NLGN4X: variants seen among roughly 807,000 people sequenced by gnomAD.
NLGN4X encodes the protein neuroligin-4, X-linked.
A neutral mutation model predicts 40.3 loss-of-function variants in NLGN4X; 3 were observed. The observed-to-expected ratio is 0.07, with a 90% CI of 0.03 to 0.19. NLGN4X has a LOEUF of 0.19. NLGN4X is among the 10% of genes least tolerant of loss of function. The pLI, the probability that NLGN4X is intolerant of heterozygous loss-of-function variation, is 1.00. For missense variants in NLGN4X, 382 were observed against 708.3 expected (o/e 0.54, Z 5.23); for synonymous variants, 270 against 306.8 (o/e 0.88, Z 1.25).
chrX:6,220,198 C>A (rs147026068), intron 1 of NLGN4X, among the ~76,000 whole-genome samples: 1,446 of 111,048 alleles, frequency 0.013, 20 homozygotes, highest in African/African-American at 0.044. Context: ...CAAACTCTAC[C>A]ACCCCTCACA....
rs953394366 is a variant in NLGN4X at position 6,054,609 on chromosome X, T to C, written c.473-25177A>G. Among the ~76,000 whole-genome samples, 10 of 111,071 alleles carry C rather than the reference T, an allele frequency of 9.0e-5. No homozygotes were observed. The Admixed American group carries it at 9.6e-4, about 11-fold the overall frequency. ...CAATCTGAAAGACAGAGCAAGACCC[T>C]GTCTCTAAAAAAATAATAATAAATA... On this transcript the variant is annotated intron_variant, in intron 2 of 5. Coordinates refer to ENST00000381095, the MANE Select transcript of NLGN4X (RefSeq NM_181332.3).
At chrX:6,146,772 A>G (rs2040055742) in intron 2 of NLGN4X, among the ~76,000 whole-genome samples, 1 of 110,444 alleles carries the variant, frequency 9.1e-6, no homozygotes, top group Non-Finnish European at 1.9e-5. Context: ...CAATGAAAAT[A>G]CAATGATAAT....
At chrX:5,978,332 CTTTCTTTCTTTCCCTT>C (rs2035271367) in intron 3 of NLGN4X, among the ~76,000 whole-genome samples, 1 of 37,104 alleles carries the variant, frequency 2.7e-5, no homozygotes, top group Non-Finnish European at 4.5e-5. Flanking sequence ...TTCTTTCTTT[CTTTCTTTCTTTCCCTT>C]CCTTCTCTTT....
intron 1 of NLGN4X, among the ~76,000 whole-genome samples, chrX:6,225,681 C>CCTTTTTTT (rs1926161594): frequency 3.0e-5 from 1 of 33,810 alleles, no homozygotes; most frequent in Admixed American, 4.3e-4. Context: ...TTTTTTCTTT[C>CCTTTTTTT]TTTTTTTCTT....
chrX:6,180,282 G>A (rs1921285088), intron 1 of NLGN4X, among the ~76,000 whole-genome samples: 1 of 111,616 alleles, frequency 9.0e-6, no homozygotes, highest in Non-Finnish European at 1.9e-5. Context: ...CCTGGTGGGA[G>A]GAGACTGGAT....
At chrX:6,074,082 A>C (rs1323148367) in intron 2 of NLGN4X, among the ~76,000 whole-genome samples, 1 of 110,970 alleles carries the variant, frequency 9.0e-6, no homozygotes, top group African/African-American at 3.3e-5. Flanking sequence ...AGACCCCCCC[A>C]AAGTTACCAT....
At chrX:5,917,119 G>A (rs1429514631) in intron 3 of NLGN4X, among the ~76,000 whole-genome samples, 2 of 112,435 alleles carry the variant, frequency 1.8e-5, no homozygotes, top group African/African-American at 3.2e-5. Flanking sequence ...GATCTAGGGC[G>A]CCCTCTGCAG....
intron 5 of NLGN4X, 38 bp downstream of exon 5, chrX:5,903,039 G>T: frequency 8.3e-7 from 1 of 1,205,309 alleles, no homozygotes; most frequent in Non-Finnish European, 1.1e-6. Context: ...CAAACAAGTG[G>T]CAAGGATAGT....
intron 5 of NLGN4X, among the ~76,000 whole-genome samples, chrX:5,900,711 C>T (rs1351546167): frequency 9.3e-6 from 1 of 107,672 alleles, no homozygotes; most frequent in Non-Finnish European, 1.9e-5. Context: ...GAAGCTGAGA[C>T]TCTCGGCATA....
At chrX:6,007,875 A>G (rs1301542658) in intron 3 of NLGN4X, among the ~76,000 whole-genome samples, 1 of 112,129 alleles carries the variant, frequency 8.9e-6, no homozygotes, top group East Asian at 2.8e-4. Context: ...GTCAAATTAA[A>G]TCCTAAGCTA....
At chrX:6,018,001 C>A (rs1874623305) in intron 3 of NLGN4X, among the ~76,000 whole-genome samples, 1 of 111,276 alleles carries the variant, frequency 9.0e-6, no homozygotes, top group Non-Finnish European at 1.9e-5. Flanking sequence ...GGGATATAAT[C>A]CCACTGTGAA....
intron 2 of NLGN4X, among the ~76,000 whole-genome samples, chrX:6,142,437 G>A (rs1450448107): frequency 4.5e-5 from 5 of 112,323 alleles, no homozygotes; most frequent in Non-Finnish European, 9.4e-5. Flanking sequence ...CCGTGTCAGG[G>A]AGATCTTTAT....
chrX:6,155,774 C>A lies in NLGN4X; in HGVS notation c.-305-4003G>T, dbSNP rs1171988237. Among the ~76,000 whole-genome samples, 5 of 112,565 alleles carry A rather than the reference C, an allele frequency of 4.4e-5. No homozygotes were observed. The Admixed American group carries it at 4.7e-4, about 11-fold the overall frequency. On this transcript the variant is annotated intron_variant, in intron 1 of 5. Coordinates refer to ENST00000381095, the MANE Select transcript of NLGN4X (RefSeq NM_181332.3). ...GTCACCTATGCAGTTTCTATTAAAT[C>A]TAAAAATGAAATCCCATTTAAAAAT...
intron 1 of NLGN4X, chrX:6,187,433 A>G (rs1290039568): frequency 2.7e-5 from 3 of 110,719 alleles, no homozygotes; most frequent in African/African-American, 9.8e-5. Flanking sequence ...ACGCACAGGC[A>G]CACGCCAGAA....
intron 2 of NLGN4X, among the ~76,000 whole-genome samples, chrX:6,108,228 T>C (rs192583307): frequency 1.2e-4 from 13 of 112,372 alleles, no homozygotes; most frequent in African/African-American, 2.9e-4. Context: ...CCAACACTAA[T>C]GTTGATGTCA....
chrX:6,012,904 T>C (rs900021404), intron 3 of NLGN4X, among the ~76,000 whole-genome samples: 2 of 111,839 alleles, frequency 1.8e-5, no homozygotes, highest in African/African-American at 3.2e-5. Context: ...TTCTCTCTTT[T>C]AAAGCCATCA....
At chrX:5,974,266 A>G (rs2035110709) in intron 3 of NLGN4X, among the ~76,000 whole-genome samples, 1 of 112,311 alleles carries the variant, frequency 8.9e-6, no homozygotes, top group Non-Finnish European at 1.9e-5. Flanking sequence ...CAAACGCTTC[A>G]CTGAAATGAA....
intron 2 of NLGN4X, among the ~76,000 whole-genome samples, chrX:6,039,249 G>A (rs1184635489): frequency 9.0e-6 from 1 of 111,348 alleles, no homozygotes; most frequent in African/African-American, 3.3e-5. Flanking sequence ...ACTGTCCTGT[G>A]AAAAATCAGA....
intron 1 of NLGN4X, among the ~76,000 whole-genome samples, chrX:6,194,840 A>G (rs1050818734): frequency 5.4e-5 from 6 of 111,793 alleles, no homozygotes; most frequent in African/African-American, 1.9e-4. Flanking sequence ...TGGGAAAAAA[A>G]TGATATCCAG....
Sources: gnomAD v4.1 joint callset for allele counts (sites outside exome capture counted in the v4.1 genomes callset) on GRCh38, gnomAD v4.1.1 for gene constraint, MANE v1.5 for transcripts, NCBI Gene and HGNC (gene_info 2026-07-23, HGNC 2026-07-21) for gene names.